Variants in ASAP2 observed in about 807,000 individuals in gnomAD.
The protein encoded by ASAP2 is ArfGAP with SH3 domain, ankyrin repeat and PH domain 2.
ASAP2 carries 45 observed loss-of-function variants against 131.4 expected under a neutral mutation model. The ratio of observed to expected loss-of-function variants is 0.34; its 90% CI spans 0.27 to 0.44. The LOEUF is 0.44. Among genes scored for constraint, ASAP2 ranks in the 20% least tolerant of loss-of-function variants. ASAP2 has a pLI of 1.00. For synonymous variants in ASAP2, 510 were observed against 503.0 expected, an observed-to-expected ratio of 1.01 and a Z score of -0.19; for missense variants, 1,011 against 1,297.0, an observed-to-expected ratio of 0.78 and a Z score of 3.39.
chr2:9,376,958 C>T lies in ASAP2; in HGVS notation c.1797C>T (p.Thr599=). 1 of 1,614,114 alleles carries T rather than the reference C, an allele frequency of 6.2e-7. No homozygotes were observed. The highest frequency in any genetic ancestry group is 1.1e-5 in the South Asian group (1 of 91,080). ...TTGCAGTCAGATCCGTGGATCGAAC[C>T]TCTCTTCACATTGTAGACTTTTTAG... is the stretch of plus-strand genomic sequence containing the variant. The part of the protein sequence containing the change: ...LHLAVRSVDR[T]SLHIVDFLVQ... The change falls in exon 18 of 28, where the codon ACC becomes ACT. Residue 599 remains threonine, a synonymous_variant. Coordinates refer to ENST00000281419, the MANE Select transcript of ASAP2 (RefSeq NM_003887.3).
In ASAP2 at chr2:9,207,372, C is replaced by T. The variant is rs961762288; in HGVS notation, c.126+142C>T. On this transcript the variant is annotated intron_variant, in intron 1 of 27. Coordinates refer to ENST00000281419, the MANE Select transcript of ASAP2 (RefSeq NM_003887.3). This position sits in a 1 kb window ranked among gnomAD's most constrained non-coding sequence, Gnocchi z 4.1. The stretch of plus-strand genomic sequence containing the variant: ...GGCCAACCCTGCCCGAGACAGAAGC[C>T]CTTTGTTCCCGCCTAGGTGGCTCGG... 4 of 1,218,522 alleles carry T rather than the reference C, an allele frequency of 3.3e-6. No individual in the cohort carries two copies. Among genetic ancestry groups the T allele is most frequent in the Admixed American group, 3.2e-5 (1 of 31,690 alleles). The allele number at this position is 1,218,522 out of a possible 1,614,324, so 75.5% of individuals were successfully genotyped here. A position where few individuals can be genotyped will look rare whatever the true frequency, so the allele number is the denominator to read the frequency against.
intron 2 of ASAP2, among the ~76,000 whole-genome samples, chr2:9,293,447 T>C (rs1356325766): frequency 3.3e-5 from 5 of 152,172 alleles, no homozygotes; most frequent in African/African-American, 1.2e-4. Context: ...GTGAGCTCTT[T>C]TTAGAAGAAC....
chr2:9,239,854 G>A (rs1432914400), intron 1 of ASAP2, among the ~76,000 whole-genome samples: 1 of 151,946 alleles, frequency 6.6e-6, no homozygotes, highest in Non-Finnish European at 1.5e-5. Flanking sequence ...AGCCTCTTGA[G>A]TAGCTTGGAC....
chr2:9,251,646 C>T (rs1454383303), intron 1 of ASAP2, among the ~76,000 whole-genome samples: 2 of 152,072 alleles, frequency 1.3e-5, no homozygotes, highest in Non-Finnish European at 2.9e-5. Flanking sequence ...GGGAAGGGAG[C>T]AGCTGGGGGG....
At chr2:9,226,761 A>G (rs1662798906) in intron 1 of ASAP2, among the ~76,000 whole-genome samples, 1 of 152,174 alleles carries the variant, frequency 6.6e-6, no homozygotes, top group Admixed American at 6.5e-5. Flanking sequence ...CACTCAAAAC[A>G]TTGGCAATCT....
intron 1 of ASAP2, among the ~76,000 whole-genome samples, chr2:9,249,283 TTGTC>T (rs1664545387): frequency 6.6e-6 from 1 of 152,224 alleles, no homozygotes; most frequent in Admixed American, 6.5e-5. Context: ...GGAGTGAACT[TTGTC>T]TGTGGCTCAG....
Position 9,268,981 on chromosome 2 carries a change from A to G in ASAP2, c.127-10336A>G, listed in dbSNP as rs982471585. Among the ~76,000 whole-genome samples, 40 of 151,798 alleles carry G rather than the reference A, an allele frequency of 2.6e-4. No individual in the cohort carries two copies. The highest frequency in any genetic ancestry group is 1.2e-3 in the Admixed American group (19 of 15,252). On this transcript the variant is annotated intron_variant, in intron 1 of 27. Coordinates refer to ENST00000281419, the MANE Select transcript of ASAP2 (RefSeq NM_003887.3). This position sits in a 1 kb window ranked among gnomAD's most constrained non-coding sequence, Gnocchi z 4.1. ...GTGTGGGCTCCCTGTCAGGGCTGGG[A>G]GGAGTGGGGTGCAGGGGCCGCTGGT...
At chr2:9,313,310 T>C (rs1334219226) in intron 3 of ASAP2, among the ~76,000 whole-genome samples, 1 of 152,212 alleles carries the variant, frequency 6.6e-6, no homozygotes, top group Non-Finnish European at 1.5e-5. Context: ...TAAGTTCTTA[T>C]TGGAATTAAA....
At chr2:9,225,413 A>G (rs1220315401) in intron 1 of ASAP2, among the ~76,000 whole-genome samples, 1 of 152,146 alleles carries the variant, frequency 6.6e-6, no homozygotes, top group Non-Finnish European at 1.5e-5. Flanking sequence ...TGACCCAGGG[A>G]CCTGCTGCTG....
At chr2:9,282,793 C>T (rs1341899113) in intron 2 of ASAP2, among the ~76,000 whole-genome samples, 1 of 152,200 alleles carries the variant, frequency 6.6e-6, no homozygotes, top group Non-Finnish European at 1.5e-5. Context: ...TCTTTGGGAC[C>T]AAGATTTCCT....
chr2:9,270,819 G>A (rs1228577072), intron 1 of ASAP2, among the ~76,000 whole-genome samples: 1 of 69,612 alleles, frequency 1.4e-5, no homozygotes, highest in Admixed American at 1.8e-4. Flanking sequence ...TTGAGACGGA[G>A]TCTCGCTCCG....
chr2:9,379,670 GAC>G (rs1674677410), intron 19 of ASAP2, among the ~76,000 whole-genome samples: 1 of 152,136 alleles, frequency 6.6e-6, no homozygotes, highest in Non-Finnish European at 1.5e-5. Flanking sequence ...ATAGAAAAAA[GAC>G]ACACATCTGC....
intron 13 of ASAP2, 40 bp downstream of exon 13, chr2:9,356,135 CGTT>C (rs1558361320): frequency 1.2e-6 from 2 of 1,614,074 alleles, no homozygotes; most frequent in East Asian, 4.5e-5. Flanking sequence ...TGGACTCAGC[CGTT>C]GTTTGTGGAA....
At chr2:9,307,153 A>G (rs1047185030) in intron 3 of ASAP2, among the ~76,000 whole-genome samples, 31 of 152,200 alleles carry the variant, frequency 2.0e-4, no homozygotes, top group Admixed American at 1.4e-3. Context: ...GGAGTGCATC[A>G]GCATCGCCTG....
chr2:9,372,072 G>A (rs1391462523), intron 16 of ASAP2, among the ~76,000 whole-genome samples: 1 of 152,210 alleles, frequency 6.6e-6, no homozygotes, highest in African/African-American at 2.4e-5. Flanking sequence ...GGGCAGATGA[G>A]TAAATACATT....
intron 22 of ASAP2, among the ~76,000 whole-genome samples, chr2:9,390,155 A>G (rs1675609391): frequency 6.6e-6 from 1 of 151,960 alleles, no homozygotes; most frequent in African/African-American, 2.4e-5. Context: ...TGTCCCTAGC[A>G]TCATTTCTTC....
chr2:9,317,776 TCA>T (rs961816983), intron 3 of ASAP2, among the ~76,000 whole-genome samples: 3 of 150,376 alleles, frequency 2.0e-5, no homozygotes, highest in Non-Finnish European at 4.4e-5. Flanking sequence ...AATCACACCC[TCA>T]CACACCCATA....
chr2:9,397,744 A>T lies in ASAP2; in HGVS notation c.2685-2279A>T, dbSNP rs1304455541. Among the ~76,000 whole-genome samples the T allele has an allele frequency of 2.1e-3, 185 of 87,142 alleles. 2 individuals carry two copies. Among genetic ancestry groups the T allele is most frequent in the African/African-American group, 0.011 (122 of 11,142 alleles). 57.2% of individuals were successfully genotyped at this position (87,142 alleles called of 152,430 possible). A position where few individuals can be genotyped will look rare whatever the true frequency, so the allele number is the denominator to read the frequency against. On this transcript the variant is annotated intron_variant, in intron 24 of 27. Transcript: ENST00000281419. ...ATCAAAAGGATATATATATATATAT[A>T]TATATATTTTTTTTTTTTTTTTTTT...
At chr2:9,351,123 AG>A (rs1480170253) in intron 12 of ASAP2, among the ~76,000 whole-genome samples, 8 of 152,230 alleles carry the variant, frequency 5.3e-5, no homozygotes, top group African/African-American at 1.9e-4. Context: ...GGGGCACTGT[AG>A]TCCTGAGACA....
Sources: allele counts gnomAD v4.1 joint callset (sites outside exome capture counted in the v4.1 genomes callset), GRCh38; gene constraint gnomAD v4.1.1; non-coding constraint Gnocchi (gnomAD v3.1); transcripts MANE v1.5; gene names NCBI Gene and HGNC (gene_info 2026-07-23, HGNC 2026-07-21).